SCML4: variants seen among roughly 807,000 people sequenced by gnomAD.
SCML4 encodes Scm polycomb group protein like 4.
In SCML4, 34 loss-of-function variants were observed where a neutral mutation model predicts 41.1. The observed-to-expected ratio is 0.83, with a 90% CI of 0.63 to 1.10. SCML4 has a LOEUF of 1.10. Ranked by LOEUF, SCML4 falls within the 50% of genes least tolerant of loss-of-function variation. The pLI is 0.00. For missense variants in SCML4, 522 were observed against 534.1 expected (o/e 0.98, Z 0.22); for synonymous variants, 214 against 220.9 (o/e 0.97, Z 0.28).
chr6:107,814,070 C>G (rs1373317136), intron 1 of SCML4, among the ~76,000 whole-genome samples: 1 of 152,232 alleles, frequency 6.6e-6, no homozygotes, highest in Admixed American at 6.5e-5. Context: ...TATATCCATC[C>G]TGGAAGGTCA....
chr6:107,834,911 C>G, the SCML4 span, among the ~76,000 whole-genome samples: 106 of 150,406 alleles, frequency 7.0e-4, no homozygotes, highest in Non-Finnish European at 1.3e-3. Flanking sequence ...GCACTCCAGC[C>G]TGGGAGACAA....
intron 1 of SCML4, among the ~76,000 whole-genome samples, chr6:107,818,345 CA>C (rs11351553): frequency 0.054 from 8,167 of 152,232 alleles, 738 homozygotes; most frequent in African/African-American, 0.18. Flanking sequence ...TTGAATCCAA[CA>C]AATGACCACA....
Position 107,721,003 on chromosome 6 carries a change from A to G in SCML4, c.683-10T>C. The stretch of plus-strand genomic sequence containing the variant: ...GTGGTGACTGTCTTGACTAAGCAAT[A>G]AGGCAGTACAGAGAAGCAGATATCA... On this transcript the variant is annotated splice_polypyrimidine_tract_variant and intron_variant, in intron 5 of 7. Transcript: ENST00000369020. The G allele has an allele frequency of 6.3e-7, 1 of 1,592,576 alleles. No individual in the cohort carries two copies. The highest frequency in any genetic ancestry group is 8.5e-7 in the Non-Finnish European group (1 of 1,169,614).
chr6:107,726,096 A>G (rs1775934047), intron 5 of SCML4, among the ~76,000 whole-genome samples: 1 of 143,062 alleles, frequency 7.0e-6, no homozygotes, highest in Non-Finnish European at 1.5e-5. Context: ...AAAAAAAAAG[A>G]CACCATCAAG....
Position 107,819,052 on chromosome 6 carries a change from A to T in SCML4, c.-60+5074T>A, listed in dbSNP as rs1377561734. ...AAAGAAAAGGCCCCTATGGTCTATG[A>T]GCTGACAGCTGTATGGTACTCATAG... On this transcript the variant is annotated intron_variant, in intron 1 of 7. Transcript: ENST00000369020. Among the ~76,000 whole-genome samples, 3 of 145,032 alleles carry T rather than the reference A, an allele frequency of 2.1e-5. No individual in the cohort carries two copies. In the East Asian group the frequency reaches 5.8e-4, roughly 28 times the overall value.
At chr6:107,776,303 C>A (rs2114581141) in intron 1 of SCML4, among the ~76,000 whole-genome samples, 1 of 152,242 alleles carries the variant, frequency 6.6e-6, no homozygotes, top group East Asian at 1.9e-4. Flanking sequence ...TAGGTTGGTG[C>A]AGAAGTAGTC....
intron 2 of SCML4, among the ~76,000 whole-genome samples, chr6:107,752,501 C>T (rs190064132): frequency 2.7e-4 from 41 of 151,992 alleles, no homozygotes; most frequent in Admixed American, 7.2e-4. Context: ...CTGCAAGATT[C>T]CAACACGAAG....
intron 1 of SCML4, among the ~76,000 whole-genome samples, chr6:107,805,769 G>A (rs1199201409): frequency 6.6e-6 from 1 of 152,208 alleles, no homozygotes; most frequent in Admixed American, 6.5e-5. Context: ...AGATCTAAGA[G>A]CACAAAGCAG....
chr6:107,768,115 A>G (rs537760929), intron 2 of SCML4, among the ~76,000 whole-genome samples: 25,810 of 149,854 alleles, frequency 0.17, 2,782 homozygotes, highest in South Asian at 0.26. Context: ...AAAAAAAAAA[A>G]GTAAAAAAGT....
At chr6:107,707,624 A>G (rs1371375293) in intron 7 of SCML4, among the ~76,000 whole-genome samples, 1 of 152,168 alleles carries the variant, frequency 6.6e-6, no homozygotes, top group African/African-American at 2.4e-5. Flanking sequence ...GAAGGCCAAC[A>G]TGAGAGAAGA....
chr6:107,800,043 G>T (rs5878939), intron 1 of SCML4, among the ~76,000 whole-genome samples: 8,479 of 151,170 alleles, frequency 0.056, 700 homozygotes, highest in African/African-American at 0.18. Context: ...AGATGGGGGG[G>T]TCTGAATTTG....
At chr6:107,780,659 A>T (rs1410507789) in intron 1 of SCML4, among the ~76,000 whole-genome samples, 1 of 151,962 alleles carries the variant, frequency 6.6e-6, no homozygotes, top group African/African-American at 2.4e-5. Flanking sequence ...GTGAGCCAAG[A>T]TCTCGTCACT....
intron 2 of SCML4, among the ~76,000 whole-genome samples, chr6:107,757,502 AG>A (rs933561729): frequency 1.1e-4 from 17 of 152,194 alleles, no homozygotes; most frequent in African/African-American, 3.9e-4. Flanking sequence ...AAGCCAACAA[AG>A]CAAGATTTTA....
rs1347189435 is a variant in SCML4, at chr6:107,720,820, T to A, written c.856A>T (p.Thr286Ser). The A allele has an allele frequency of 1.2e-6, 2 of 1,614,036 alleles. No homozygotes were observed. Among genetic ancestry groups the A allele is most frequent in the South Asian group, 2.2e-5 (2 of 91,062 alleles). Residue 286 changes from threonine to serine, a missense_variant, in exon 6 of 8, where the codon ACC becomes TCC. Coordinates refer to ENST00000369020, the MANE Select transcript of SCML4 (RefSeq NM_198081.5). ...GGGCTAGTGCGGGGACCACCAGCGG[T>A]GGCAGCAGGACCACCCCCAAGGTGG... ...DSHLGGGPAA[T>S]AGGPRTSPMS...
chr6:107,757,458 A>T (rs932144237), intron 2 of SCML4, among the ~76,000 whole-genome samples: 7 of 152,242 alleles, frequency 4.6e-5, no homozygotes, highest in South Asian at 2.1e-4. Context: ...AAGGATGAGG[A>T]TGTATAGAGG....
chr6:107,731,493 C>G (rs1176228007), intron 5 of SCML4, among the ~76,000 whole-genome samples: 1 of 152,236 alleles, frequency 6.6e-6, no homozygotes, highest in Non-Finnish European at 1.5e-5. Context: ...CTCTCACCCC[C>G]CACTTCCCGC....
chr6:107,705,767 G>A (rs1773553962), intron 7 of SCML4, among the ~76,000 whole-genome samples: 1 of 152,158 alleles, frequency 6.6e-6, no homozygotes, highest in Non-Finnish European at 1.5e-5. Flanking sequence ...ACCTTTAGCT[G>A]ATAACAAAGC....
intron 6 of SCML4, among the ~76,000 whole-genome samples, chr6:107,709,560 C>G (rs781435552): frequency 7.2e-5 from 11 of 152,242 alleles, no homozygotes; most frequent in Non-Finnish European, 1.2e-4. Context: ...CTTCCTTCCT[C>G]TGCCTGTGGC....
intron 5 of SCML4, among the ~76,000 whole-genome samples, chr6:107,744,464 T>C (rs976500132): frequency 1.3e-5 from 2 of 152,220 alleles, no homozygotes; most frequent in Admixed American, 1.3e-4. Context: ...CCTGCAATAA[T>C]AGACACTTTG....
Sources: allele counts gnomAD v4.1 joint callset (sites outside exome capture counted in the v4.1 genomes callset), GRCh38; gene constraint gnomAD v4.1.1; transcripts MANE v1.5; gene names NCBI Gene and HGNC (gene_info 2026-07-23, HGNC 2026-07-21).